The following NME7 variants were observed in gnomAD, a reference collection of about 807,000 sequenced individuals.
NME7 encodes the protein nucleoside diphosphate kinase 7.
A neutral mutation model predicts 49.1 loss-of-function variants in NME7; 41 were observed. The ratio of observed to expected loss-of-function variants is 0.83; its 90% confidence interval spans 0.65 to 1.08. NME7 has a LOEUF of 1.08. Ranked by LOEUF, NME7 falls within the 50% of genes least tolerant of loss-of-function variation. NME7 has a pLI of 0.00. For missense variants in NME7, 423 were observed against 463.4 expected (o/e 0.91, Z 0.80); for synonymous variants, 139 against 150.6 (o/e 0.92, Z 0.56).
chr1:169,179,195 A>G (rs1191665840), intron 10 of NME7, among the ~76,000 whole-genome samples: 1 of 152,230 alleles, frequency 6.6e-6, no homozygotes, highest in Non-Finnish European at 1.5e-5. Context: ...TGGCCAAAAA[A>G]CATATGAAAT....
rs776760617 is a variant in NME7, at chr1:169,237,664, C to A, written c.778G>T (p.Ala260Ser). ...SEGLLGKILM[A>S]IRDAGFEISA... The stretch of plus-strand genomic sequence containing the variant: ...ATTTCAAAACCTGCATCTCGGATAG[C>A]CATCAGGATCTTTCCCAACAGTCCT... The change falls in exon 8 of 12, where the codon GCT becomes TCT. Residue 260 changes from alanine to serine, a missense_variant. By Grantham distance (99) the Ala-to-Ser change is moderately conservative. Coordinates refer to ENST00000367811, the MANE Select transcript of NME7 (RefSeq NM_013330.5). 1.2e-6 allele frequency: 2 copies of A among 1,610,484 alleles called. No individual in the cohort carries two copies.
chr1:169,360,353 A>G (rs1653612256), intron 1 of NME7, among the ~76,000 whole-genome samples: 1 of 152,222 alleles, frequency 6.6e-6, no homozygotes. Flanking sequence ...TTTTACAGAT[A>G]AGATAAAAAT....
intron 7 of NME7, among the ~76,000 whole-genome samples, chr1:169,283,254 G>T (rs1051530343): frequency 6.6e-6 from 1 of 152,128 alleles, no homozygotes; most frequent in African/African-American, 2.4e-5. Context: ...TTTTATCAGA[G>T]ATTCGGATTA....
intron 7 of NME7, among the ~76,000 whole-genome samples, chr1:169,257,942 T>C (rs1649022524): frequency 7.5e-6 from 1 of 134,176 alleles, no homozygotes; most frequent in South Asian, 2.3e-4. Context: ...AAGACTGAAA[T>C]GATAATTCAA....
chr1:169,146,782 A>G (rs530650716), intron 11 of NME7, among the ~76,000 whole-genome samples: 32 of 152,240 alleles, frequency 2.1e-4, no homozygotes, highest in Non-Finnish European at 3.4e-4. Context: ...CCTGCCCTCA[A>G]GGAGTTCACA....
chr1:169,352,592 A>C lies in NME7; in HGVS notation c.3+15116T>G, dbSNP rs541084180. ...CTAGCTATGGCAATCAGATGAGAGA[A>C]AGGGCATCCAAATTGGAAAGGAAGA... On this transcript the variant is annotated intron_variant, in intron 1 of 11. Coordinates refer to ENST00000367811, the MANE Select transcript of NME7 (RefSeq NM_013330.5). Among the ~76,000 whole-genome samples, 9 of 152,206 alleles carry C rather than the reference A, an allele frequency of 5.9e-5. No homozygotes were observed. The East Asian group carries it at 9.7e-4, about 16-fold the overall frequency.
In NME7 at chr1:169,204,797, A is replaced by G. The variant is rs574676275; in HGVS notation, c.990+25921T>C. 4.6e-5 allele frequency among the ~76,000 whole-genome samples: 7 copies of G among 152,184 alleles called. No individual in the cohort carries two copies. In the South Asian group the frequency reaches 1.5e-3, roughly 32 times the overall value. On this transcript the variant is annotated intron_variant, in intron 10 of 11. Transcript: ENST00000367811. ...AATGCCTTGACTACCACTACATTTCAATAAATAATTATTGACTCAATTTTA... is the reference window on the plus strand; with the variant it reads ...AATGCCTTGACTACCACTACATTTCGATAAATAATTATTGACTCAATTTTA...
At chr1:169,144,407 CTA>C (rs1044898195) in intron 11 of NME7, among the ~76,000 whole-genome samples, 3 of 152,074 alleles carry the variant, frequency 2.0e-5, no homozygotes, top group African/African-American at 7.2e-5. Context: ...GAATACTATT[CTA>C]TGTTTTGTTT....
chr1:169,262,379 TC>T (rs1409464728), intron 7 of NME7, among the ~76,000 whole-genome samples: 1 of 134,450 alleles, frequency 7.4e-6, no homozygotes, highest in Non-Finnish European at 1.7e-5. Context: ...ACATCATTTT[TC>T]CCTTTTTCTT....
intron 7 of NME7, among the ~76,000 whole-genome samples, chr1:169,240,072 G>A (rs974274977): frequency 1.3e-5 from 2 of 151,966 alleles, no homozygotes; most frequent in South Asian, 2.1e-4. Context: ...ATAAGTTAAA[G>A]TGTGCTTATT....
intron 7 of NME7, among the ~76,000 whole-genome samples, chr1:169,244,744 C>T (rs1648239588): frequency 6.6e-6 from 1 of 151,872 alleles, no homozygotes; most frequent in Non-Finnish European, 1.5e-5. Context: ...TTTTATTTTG[C>T]CACATGTATC....
rs114378480 is a variant in NME7, at chr1:169,223,311, T to G, written c.990+7407A>C. On this transcript the variant is annotated intron_variant, in intron 10 of 11. Coordinates refer to ENST00000367811, the MANE Select transcript of NME7 (RefSeq NM_013330.5). ...ACTACATTTTTTTAATATTTCTTAT[T>G]GTCTGCCAGCCTATGTTAACATTAT... 4.1e-3 allele frequency among the ~76,000 whole-genome samples: 621 copies of G among 152,274 alleles called. 1 individual carries two copies. Among genetic ancestry groups the G allele is most frequent in the African/African-American group, 0.014 (593 of 41,556 alleles).
At chr1:169,242,397 G>T (rs1200761552) in intron 7 of NME7, among the ~76,000 whole-genome samples, 1 of 151,626 alleles carries the variant, frequency 6.6e-6, no homozygotes, top group Non-Finnish European at 1.5e-5. Flanking sequence ...CAAAAAAACT[G>T]TAAGAAAAAA....
chr1:169,184,373 G>C (rs1287189637), intron 10 of NME7, among the ~76,000 whole-genome samples: 1 of 152,158 alleles, frequency 6.6e-6, no homozygotes, highest in East Asian at 1.9e-4. Context: ...ACTGTCATTT[G>C]ATAGTAACTG....
At chr1:169,193,340 C>G (rs909931) in intron 10 of NME7, among the ~76,000 whole-genome samples, 56,370 of 151,876 alleles carry the variant, frequency 0.37, 11,036 homozygotes, top group East Asian at 0.73. Flanking sequence ...TGTTTCACTG[C>G]GATATAAATA....
chr1:169,337,267 G>C (rs927481352), intron 1 of NME7, among the ~76,000 whole-genome samples: 2 of 152,210 alleles, frequency 1.3e-5, no homozygotes, highest in African/African-American at 2.4e-5. Context: ...GCGCAGCGCC[G>C]GTGGGCTGGC....
At chr1:169,316,100 T>C (rs1268820691) in intron 3 of NME7, among the ~76,000 whole-genome samples, 1 of 151,950 alleles carries the variant, frequency 6.6e-6, no homozygotes. Context: ...GAGAAAATAT[T>C]CTAAAAGGAC....
chr1:169,159,848 T>C (rs2101832466), intron 11 of NME7, among the ~76,000 whole-genome samples: 1 of 152,292 alleles, frequency 6.6e-6, no homozygotes, highest in Admixed American at 6.5e-5. Context: ...CTTGTTGCTG[T>C]CACACCTTTG....
At chr1:169,135,087 G>A (rs993917802) in intron 11 of NME7, among the ~76,000 whole-genome samples, 2 of 147,902 alleles carry the variant, frequency 1.4e-5, no homozygotes, top group Non-Finnish European at 3.0e-5. Flanking sequence ...CTACTTGGAC[G>A]TCTGGGGTGG....
Sources: gnomAD v4.1 joint callset for allele counts (sites outside exome capture counted in the v4.1 genomes callset) on GRCh38, gnomAD v4.1.1 for gene constraint, MANE v1.5 for transcripts, NCBI Gene and HGNC (gene_info 2026-07-23, HGNC 2026-07-21) for gene names.